The following CPLANE1 variants were observed in gnomAD, a reference collection of about 807,000 sequenced individuals.
CPLANE1 encodes the protein ciliogenesis and planar polarity effector 1.
CPLANE1 carries 263 observed loss-of-function variants against 362.5 expected under a neutral mutation model. The ratio of observed to expected loss-of-function variants is 0.73; its 90% CI spans 0.66 to 0.80. The LOEUF is 0.80. Among genes scored for constraint, CPLANE1 ranks in the 30% least tolerant of loss-of-function variants. The pLI is 0.00. For missense variants in CPLANE1, 3,461 were observed against 3,793.4 expected (o/e 0.91, Z 2.30); for synonymous variants, 1,212 against 1,302.6 (o/e 0.93, Z 1.50).
At chr5:37,129,635 A>G (rs1207824243) in intron 46 of CPLANE1, among the ~76,000 whole-genome samples, 1 of 152,254 alleles carries the variant, frequency 6.6e-6, no homozygotes, top group East Asian at 1.9e-4. Flanking sequence ...GCCAACAAAC[A>G]TATGAAAAAA....
chr5:37,147,145 G>A (rs1771905959), intron 43 of CPLANE1, among the ~76,000 whole-genome samples: 1 of 152,156 alleles, frequency 6.6e-6, no homozygotes, highest in Non-Finnish European at 1.5e-5. Context: ...ACACAATTTA[G>A]AAGCTTGACC....
chr5:37,132,203 T>C (rs1407782617), intron 46 of CPLANE1, among the ~76,000 whole-genome samples: 2 of 152,104 alleles, frequency 1.3e-5, no homozygotes, highest in Admixed American at 1.3e-4. Context: ...TAGAAAAATA[T>C]TGTTACCAGA....
chr5:37,096,971 A>G, the CPLANE1 span, among the ~76,000 whole-genome samples: 17 of 152,206 alleles, frequency 1.1e-4, no homozygotes, highest in Admixed American at 1.0e-3. Flanking sequence ...AATATAAACT[A>G]GTACAGCCAC....
intron 6 of CPLANE1, among the ~76,000 whole-genome samples, chr5:37,241,392 T>C (rs1037986781): frequency 2.6e-5 from 4 of 152,016 alleles, no homozygotes; most frequent in Non-Finnish European, 4.4e-5. Context: ...GAGGCAGAAG[T>C]TGCAGTGAGC....
rs1394854859 is a variant in CPLANE1, at chr5:37,140,884, T to G, written c.8632+1426A>C. 8 of 973,366 alleles carry G rather than the reference T, an allele frequency of 8.2e-6. No homozygotes were observed. In the Admixed American group the frequency reaches 3.1e-4, roughly 38 times the overall value. The allele number at this position is 973,366 out of a possible 1,614,324, so 60.3% of individuals were successfully genotyped here. A position where few individuals can be genotyped will look rare whatever the true frequency, so the allele number is the denominator to read the frequency against. ...TTTTTTTTTTCTAGCTCATCAGCTA[T>G]TGTTAGTGTTAGTGTATTTTATGTG... On this transcript the variant is annotated intron_variant, in intron 44 of 52. Coordinates refer to ENST00000651892, the MANE Select transcript of CPLANE1 (RefSeq NM_001384732.1).
the CPLANE1 span, among the ~76,000 whole-genome samples, chr5:37,081,397 A>C: frequency 6.6e-6 from 1 of 152,024 alleles, no homozygotes. Flanking sequence ...ATCTCGGCTC[A>C]CTGCAACCTC....
intron 50 of CPLANE1, among the ~76,000 whole-genome samples, chr5:37,116,569 T>A (rs1306840838): frequency 1.5e-5 from 2 of 137,160 alleles, no homozygotes; most frequent in African/African-American, 5.6e-5. Context: ...CAGTGAGCCA[T>A]GATCACGCCA....
Position 37,180,889 on chromosome 5 carries a change from A to C in CPLANE1, c.5538T>G (p.Asn1846Lys). 1.9e-6 allele frequency: 3 copies of C among 1,614,004 alleles called. No homozygotes were observed. The highest frequency in any genetic ancestry group is 2.5e-6 in the Non-Finnish European group (3 of 1,179,946). Residue 1846 changes from asparagine to lysine, a missense_variant, in exon 27 of 53, where the codon AAT becomes AAG. Transcript: ENST00000651892. ...VATPGGTEER[N>K]GQNKSCQNIL... is the part of the protein sequence containing the mutation. ...TATTTTGACAAGATTTATTCTGACC[A>C]TTTCTTTCCTCAGTTCCACCTGGAG...
At chr5:37,126,381 A>G (rs1397533325) in intron 46 of CPLANE1, among the ~76,000 whole-genome samples, 1 of 152,304 alleles carries the variant, frequency 6.6e-6, no homozygotes, top group East Asian at 1.9e-4. Flanking sequence ...TGAAAGGCCC[A>G]TTGCTGCAAG....
intron 2 of CPLANE1, chr5:37,246,535 A>G (rs1481389846): frequency 6.6e-6 from 1 of 152,156 alleles, no homozygotes; most frequent in Non-Finnish European, 1.5e-5. Flanking sequence ...ACTTAGATTA[A>G]AATAGATATA....
chr5:37,211,467 C>A (rs912962121), intron 16 of CPLANE1: 6 of 1,425,120 alleles, frequency 4.2e-6, no homozygotes, highest in Admixed American at 2.2e-5. Flanking sequence ...CTCTGAGCAG[C>A]CTCAAGTGGG....
chr5:37,135,768 T>C (rs887241148), intron 46 of CPLANE1, among the ~76,000 whole-genome samples: 2 of 151,640 alleles, frequency 1.3e-5, no homozygotes, highest in Admixed American at 6.6e-5. Context: ...GAGTCAGAGG[T>C]TGCAGTGAGC....
Position 37,210,802 on chromosome 5 carries a change from C to T in CPLANE1, c.2920+2757G>A, listed in dbSNP as rs1453035246. 11 of 1,133,630 alleles carry T rather than the reference C, an allele frequency of 9.7e-6. No individual in the cohort carries two copies. The East Asian group carries it at 1.4e-4, about 14-fold the overall frequency. The allele number at this position is 1,133,630 out of a possible 1,614,324, so 70.2% of individuals were successfully genotyped here. A position where few individuals can be genotyped will look rare whatever the true frequency, so the allele number is the denominator to read the frequency against. On this transcript the variant is annotated intron_variant, in intron 16 of 52. Transcript: ENST00000651892. ...CTAGCTCAGCTGGCTCCTGAACTTGCGGTCTTTCAGAAAGAACTAAGGAGA... is the reference window on the plus strand; with the variant it reads ...CTAGCTCAGCTGGCTCCTGAACTTGTGGTCTTTCAGAAAGAACTAAGGAGA...
chr5:37,242,795 G>C (rs1561716768), intron 6 of CPLANE1, among the ~76,000 whole-genome samples: 2 of 146,464 alleles, frequency 1.4e-5, no homozygotes, highest in Admixed American at 6.8e-5. Context: ...GGGAGGCCAA[G>C]GCAGGAGGAC....
intron 23 of CPLANE1, 24 bp downstream of exon 23, chr5:37,187,390 T>C: frequency 1.3e-6 from 2 of 1,567,320 alleles, no homozygotes; most frequent in Middle Eastern, 1.7e-4. Flanking sequence ...TGATGTAGTT[T>C]ACTTTCACCT....
In CPLANE1 at chr5:37,186,446, T is replaced by C. The variant is rs759190549; in HGVS notation, c.4081-52A>G. The C allele has an allele frequency of 3.6e-5, 29 of 814,588 alleles. No individual in the cohort carries two copies. In the East Asian group the frequency reaches 6.1e-4, roughly 17 times the overall value. The allele number at this position is 814,588 out of a possible 1,614,324, so 50.5% of individuals were successfully genotyped here. On this transcript the variant is annotated intron_variant, in intron 23 of 52. Transcript: ENST00000651892. ...TATGAGAAACATCATTCTTTTTTTTTCTTCCATTCCACAAATATTTTATTT... is the reference window on the plus strand; with the variant it reads ...TATGAGAAACATCATTCTTTTTTTTCCTTCCATTCCACAAATATTTTATTT...
chr5:37,090,304 T>A, the CPLANE1 span, among the ~76,000 whole-genome samples: 5 of 152,218 alleles, frequency 3.3e-5, no homozygotes, highest in African/African-American at 1.2e-4. Flanking sequence ...GCCCCCGGGC[T>A]ATGCTTCCTA....
chr5:37,144,186 G>A (rs1031616884), intron 43 of CPLANE1, among the ~76,000 whole-genome samples: 3 of 150,664 alleles, frequency 2.0e-5, no homozygotes, highest in South Asian at 2.1e-4. Flanking sequence ...AAGGTGGGCG[G>A]ATCATGAGAT....
intron 32 of CPLANE1, among the ~76,000 whole-genome samples, chr5:37,171,622 A>C (rs1162023712): frequency 6.6e-6 from 1 of 152,202 alleles, no homozygotes; most frequent in Non-Finnish European, 1.5e-5. Flanking sequence ...GTTTTCTTTT[A>C]ATTATAAAGT....
Sources: allele counts gnomAD v4.1 joint callset (sites outside exome capture counted in the v4.1 genomes callset), GRCh38; gene constraint gnomAD v4.1.1; transcripts MANE v1.5; gene names NCBI Gene and HGNC (gene_info 2026-07-23, HGNC 2026-07-21).